TIMM23: variants seen among roughly 807,000 people sequenced by gnomAD.
TIMM23 encodes mitochondrial import inner membrane translocase subunit Tim23.
TIMM23 carries 19 observed loss-of-function variants against 30.7 expected under a neutral mutation model. That is an observed-to-expected ratio of 0.62 (90% confidence interval 0.43 to 0.91). The LOEUF is 0.91. Among genes scored for constraint, TIMM23 ranks in the 40% least tolerant of loss-of-function variants. TIMM23 has a pLI of 0.00. For missense variants in TIMM23, 202 were observed against 269.2 expected, an observed-to-expected ratio of 0.75 and a Z score of 1.75; for synonymous variants, 78 against 98.5, an observed-to-expected ratio of 0.79 and a Z score of 1.23.
At chr10:45,994,253 C>G (rs1380311136) in intron 6 of TIMM23, among the ~76,000 whole-genome samples, 2 of 152,028 alleles carry the variant, frequency 1.3e-5, no homozygotes, top group Non-Finnish European at 2.9e-5. Flanking sequence ...AGAGGAGAAT[C>G]ACTTGAACCC....
chr10:45,972,877 A>C (rs1200100553), intron 1 of TIMM23, 147 bp downstream of exon 1: 3 of 1,439,130 alleles, frequency 2.1e-6, no homozygotes, highest in Non-Finnish European at 1.9e-6. Flanking sequence ...GTGTATCTGC[A>C]TGGCTGCTCT....
At chr10:45,978,451 C>T (rs1444488303) in intron 2 of TIMM23, among the ~76,000 whole-genome samples, 4 of 152,184 alleles carry the variant, frequency 2.6e-5, no homozygotes, top group African/African-American at 9.6e-5. Flanking sequence ...ATTTTTTTAA[C>T]TCTTGAAACA....
intron 6 of TIMM23, among the ~76,000 whole-genome samples, chr10:45,991,459 A>T (rs1449048818): frequency 2.6e-5 from 4 of 152,168 alleles, no homozygotes; most frequent in African/African-American, 9.7e-5. Context: ...GAAATGAAAG[A>T]TGATTGGGTC....
intron 6 of TIMM23, among the ~76,000 whole-genome samples, chr10:45,992,034 A>G (rs1838179598): frequency 6.6e-6 from 1 of 151,282 alleles, no homozygotes; most frequent in Non-Finnish European, 1.5e-5. Flanking sequence ...TGGTGCCATC[A>G]TGGCTCACTA....
At chr10:45,996,172 T>C (rs1457224376) in intron 6 of TIMM23, among the ~76,000 whole-genome samples, 2 of 141,344 alleles carry the variant, frequency 1.4e-5, no homozygotes, top group South Asian at 2.2e-4. Flanking sequence ...CCATCCTGGC[T>C]AACACAGTGA....
intron 2 of TIMM23, among the ~76,000 whole-genome samples, chr10:45,976,088 G>A (rs1837664661): frequency 6.6e-6 from 1 of 152,154 alleles, no homozygotes; most frequent in East Asian, 1.9e-4. Context: ...TTTTGACTAA[G>A]CATCAAAAGT....
At chr10:45,980,639 A>G (rs1338933878) in intron 2 of TIMM23, among the ~76,000 whole-genome samples, 3 of 152,122 alleles carry the variant, frequency 2.0e-5, no homozygotes, top group Non-Finnish European at 4.4e-5. Context: ...GTACATTGAT[A>G]CCCATTCTTG....
intron 6 of TIMM23, among the ~76,000 whole-genome samples, chr10:45,993,783 G>A (rs1838243529): frequency 6.6e-6 from 1 of 151,278 alleles, no homozygotes; most frequent in Non-Finnish European, 1.5e-5. Context: ...GTGCAGTGGT[G>A]CACTCCAGCC....
rs1433328905 is a variant in TIMM23 at position 45,987,671 on chromosome 10, A to G, written c.404-1066A>G. The stretch of plus-strand genomic sequence containing the variant: ...AGGGTCTTGCTCTGTCACCCATGCT[A>G]GAGTGCAGTGGAGCTCACTGCAACC... On this transcript the variant is annotated intron_variant, in intron 5 of 6. Transcript: ENST00000580018. Among the ~76,000 whole-genome samples the G allele has an allele frequency of 5.4e-4, 73 of 134,908 alleles. 1 individual carries two copies. The East Asian group carries it at 0.015, about 28-fold the overall frequency. 88.5% of individuals were successfully genotyped at this position (134,908 alleles called of 152,430 possible).
chr10:46,000,872 C>G (rs1301877409), intron 6 of TIMM23, among the ~76,000 whole-genome samples: 3 of 152,234 alleles, frequency 2.0e-5, no homozygotes, highest in Non-Finnish European at 2.9e-5. Context: ...TTTCCACTGA[C>G]AAACAGCAGT....
intron 6 of TIMM23, chr10:45,992,592 T>G (rs1397073943): frequency 2.3e-6 from 1 of 432,902 alleles, no homozygotes; most frequent in Non-Finnish European, 4.5e-6. Flanking sequence ...GGAGTTTTGC[T>G]CTGTCGCCAG....
chr10:45,983,626 C>T (rs1160572312), intron 4 of TIMM23, among the ~76,000 whole-genome samples: 3 of 152,136 alleles, frequency 2.0e-5, no homozygotes, highest in African/African-American at 4.8e-5. Flanking sequence ...ATGTATTCTT[C>T]GATGGCTACT....
At position 45,999,096 on chromosome 10, in the gene TIMM23, G is replaced by A. The variant is rs970038090; in HGVS notation, c.515-4107G>A. The stretch of plus-strand genomic sequence containing the variant: ...GATTTGCCCACCTTGGCCTTCCAAA[G>A]TGCTGGGATTACAGGCCGTGAGCCA... On this transcript the variant is annotated intron_variant, in intron 6 of 6. Transcript: ENST00000580018. 4.0e-3 allele frequency among the ~76,000 whole-genome samples: 605 copies of A among 152,180 alleles called. 1 individual carries two copies. The highest frequency in any genetic ancestry group is 6.6e-3 in the Non-Finnish European group (450 of 68,006).
chr10:45,990,864 C>T (rs1323648004), intron 6 of TIMM23, among the ~76,000 whole-genome samples: 6 of 152,268 alleles, frequency 3.9e-5, no homozygotes, highest in South Asian at 2.1e-4. Flanking sequence ...GTACAAAATA[C>T]GCTTAAAGTA....
At chr10:46,000,141 C>T (rs1050440429) in intron 6 of TIMM23, among the ~76,000 whole-genome samples, 2 of 152,112 alleles carry the variant, frequency 1.3e-5, no homozygotes, top group African/African-American at 4.8e-5. Context: ...GGTCCTGAGA[C>T]GACATACATC....
intron 6 of TIMM23, among the ~76,000 whole-genome samples, chr10:46,002,886 T>TG (rs1343036479): frequency 6.9e-6 from 1 of 145,126 alleles, no homozygotes; most frequent in African/African-American, 2.6e-5. Context: ...TGCAGTGGTA[T>TG]GATCTCAGCT....
intron 1 of TIMM23, among the ~76,000 whole-genome samples, chr10:45,974,874 A>G (rs1264163111): frequency 1.3e-5 from 2 of 151,882 alleles, no homozygotes; most frequent in Non-Finnish European, 2.9e-5. Context: ...TTTCAATGTT[A>G]GTGAATTCAG....
intron 6 of TIMM23, chr10:46,002,364 CAG>C (rs1564913235): frequency 9.7e-6 from 2 of 207,216 alleles, no homozygotes; most frequent in East Asian, 1.8e-4. Context: ...TTTGCAGAGA[CAG>C]GGTTTTGCCG....
chr10:45,972,603 C>G lies in TIMM23; in HGVS notation c.-22C>G, dbSNP rs1837523718. ...CCCAGGCTTGAGGCAGCGGCGGGAA[C>G]CACTCGGTTTGCTGCGATACCATGG... On this transcript the variant is annotated 5_prime_UTR_variant, in exon 1 of 7. Coordinates refer to ENST00000580018, the MANE Select transcript of TIMM23 (RefSeq NM_006327.4). 1 of 1,600,940 alleles carries G rather than the reference C, an allele frequency of 6.2e-7. No individual in the cohort carries two copies. Among genetic ancestry groups the G allele is most frequent in the South Asian group, 1.1e-5 (1 of 90,454 alleles).
Sources: gnomAD v4.1 joint callset for allele counts (sites outside exome capture counted in the v4.1 genomes callset) on GRCh38, gnomAD v4.1.1 for gene constraint, MANE v1.5 for transcripts, NCBI Gene and HGNC (gene_info 2026-07-23, HGNC 2026-07-21) for gene names.